Variants in RARB observed in about 807,000 individuals in gnomAD.
The protein encoded by RARB is retinoic acid receptor beta.
In RARB, 17 loss-of-function variants were observed where a neutral mutation model predicts 51.9. That is an observed-to-expected ratio of 0.33 (90% CI 0.22 to 0.49). The LOEUF (loss-of-function observed/expected upper bound fraction) is 0.49, where lower values mean the gene tolerates loss of function less well. Among genes scored for constraint, RARB ranks in the 20% least tolerant of loss-of-function variants. The pLI, the probability that RARB is intolerant of heterozygous loss-of-function variation, is 0.99. For missense variants in RARB, 369 were observed against 550.8 expected, an observed-to-expected ratio of 0.67 and a Z score of 3.30; for synonymous variants, 215 against 195.4, an observed-to-expected ratio of 1.10 and a Z score of -0.84.
At chr3:25,214,441 T>A (rs1376091495) in intron 5 of RARB, among the ~76,000 whole-genome samples, 1 of 152,184 alleles carries the variant, frequency 6.6e-6, no homozygotes, top group African/African-American at 2.4e-5. Flanking sequence ...CTGAGGTAGG[T>A]GGGTTCAGTA....
chr3:25,509,768 G>A (rs986201601), intron 3 of RARB, among the ~76,000 whole-genome samples: 2 of 152,102 alleles, frequency 1.3e-5, no homozygotes, highest in African/African-American at 4.8e-5. Context: ...AGGCCATCAG[G>A]GTCTTCCAGC....
At chr3:24,989,085 C>G (rs1191444464) in intron 2 of RARB, among the ~76,000 whole-genome samples, 1 of 152,102 alleles carries the variant, frequency 6.6e-6, no homozygotes, top group Non-Finnish European at 1.5e-5. Context: ...CTCGGCCTCC[C>G]AAAGTGCTGG....
chr3:24,876,261 G>A (rs1230550815), intron 2 of RARB, among the ~76,000 whole-genome samples: 3 of 152,070 alleles, frequency 2.0e-5, no homozygotes, highest in Non-Finnish European at 1.5e-5. Flanking sequence ...GAATCTCTTC[G>A]AACTTTGAAC....
intron 5 of RARB, among the ~76,000 whole-genome samples, chr3:25,177,152 C>T (rs1268384638): frequency 2.0e-5 from 3 of 152,238 alleles, no homozygotes; most frequent in African/African-American, 7.2e-5. Flanking sequence ...GAAAGCTGCT[C>T]AGATGGAAAT....
At chr3:24,922,135 T>TTCTAG (rs1419264430) in intron 2 of RARB, among the ~76,000 whole-genome samples, 1 of 152,192 alleles carries the variant, frequency 6.6e-6, no homozygotes, top group Non-Finnish European at 1.5e-5. Context: ...ATGAAAGCAC[T>TTCTAG]TCTAGTGTCA....
intron 5 of RARB, among the ~76,000 whole-genome samples, chr3:25,328,963 G>C (rs1406607183): frequency 6.6e-6 from 1 of 152,214 alleles, no homozygotes; most frequent in Non-Finnish European, 1.5e-5. Context: ...CAAGGTGGCA[G>C]CGAGGCTAGG....
intron 2 of RARB, among the ~76,000 whole-genome samples, chr3:25,482,623 T>G (rs1318284526): frequency 2.3e-5 from 3 of 131,756 alleles, no homozygotes; most frequent in Non-Finnish European, 4.7e-5. Flanking sequence ...CACTGCAACC[T>G]CTGCCTCCCA....
At chr3:25,347,551 T>C (rs1284680031) in intron 5 of RARB, among the ~76,000 whole-genome samples, 2 of 152,232 alleles carry the variant, frequency 1.3e-5, no homozygotes, top group Non-Finnish European at 2.9e-5. Flanking sequence ...TCTTATAAAG[T>C]TCACTTTGTG....
chr3:25,230,500 C>G (rs917090647), intron 5 of RARB, among the ~76,000 whole-genome samples: 12 of 151,878 alleles, frequency 7.9e-5, no homozygotes, highest in African/African-American at 2.9e-4. Flanking sequence ...TAGAGTATTT[C>G]AAAGAAAAGT....
chr3:25,185,784 ATAAGAAATCTTAT>A (rs1169182440), intron 5 of RARB, among the ~76,000 whole-genome samples: 1 of 152,152 alleles, frequency 6.6e-6, no homozygotes, highest in Non-Finnish European at 1.5e-5. Context: ...TTTTTCTTCT[ATAAGAAATCTTAT>A]TCCAGAACTA....
chr3:24,904,441 G>A (rs1694804831), intron 2 of RARB, among the ~76,000 whole-genome samples: 1 of 152,158 alleles, frequency 6.6e-6, no homozygotes, highest in South Asian at 2.1e-4. Flanking sequence ...TTAGAGAAAT[G>A]CAAATCAAAA....
Position 25,125,749 on chromosome 3 carries a change from A to G in RARB, c.-327-6412A>G, listed in dbSNP as rs910673130. Among the ~76,000 whole-genome samples, 53 of 152,204 alleles carry G rather than the reference A, an allele frequency of 3.5e-4. 1 individual carries two copies. The highest frequency in any genetic ancestry group is 4.0e-4 in the Non-Finnish European group (27 of 68,044). On this transcript the variant is annotated intron_variant, in intron 3 of 11. Transcript: ENST00000383772. ...CTTTTAGTAGCTCTATATGCACATA[A>G]TTCAAAAACACCTAAGTATTATAGG...
intron 5 of RARB, among the ~76,000 whole-genome samples, chr3:25,233,465 A>G (rs534178279): frequency 6.4e-4 from 98 of 152,196 alleles, no homozygotes; most frequent in African/African-American, 2.3e-3. Flanking sequence ...AAGATTTTCC[A>G]TGTAGATAGT....
chr3:24,956,659 G>T (rs1366375016), intron 2 of RARB, among the ~76,000 whole-genome samples: 2 of 152,140 alleles, frequency 1.3e-5, no homozygotes, highest in African/African-American at 4.8e-5. Context: ...ACTAAACAGG[G>T]TCACATGTAT....
At chr3:24,849,220 TAAAGTA>T (rs1305567484) in intron 1 of RARB, among the ~76,000 whole-genome samples, 1 of 152,112 alleles carries the variant, frequency 6.6e-6, no homozygotes. Context: ...TAAAAAAAAG[TAAAGTA>T]AATGTAGTCT....
At chr3:25,458,841 G>A (rs1010432071) in intron 1 of RARB, among the ~76,000 whole-genome samples, 1 of 152,048 alleles carries the variant, frequency 6.6e-6, no homozygotes, top group African/African-American at 2.4e-5. Context: ...AGGAAGCAAA[G>A]GAGTATAAGA....
rs544120403 is a variant in RARB at position 25,577,018 on chromosome 3, G to A, written c.610-3528G>A. Among the ~76,000 whole-genome samples, 27 of 152,300 alleles carry A rather than the reference G, an allele frequency of 1.8e-4. No individual in the cohort carries two copies. The South Asian group carries it at 5.4e-3, about 30-fold the overall frequency. Reference sequence around the variant, plus strand: ...GCTGGAGCTCTTGTAGCCACCTGATGGAAGCATCCAGAGATTCCAATAAGG... The same window carrying A: ...GCTGGAGCTCTTGTAGCCACCTGATAGAAGCATCCAGAGATTCCAATAAGG... On this transcript the variant is annotated intron_variant, in intron 4 of 7. Coordinates refer to ENST00000330688, the MANE Select transcript of RARB (RefSeq NM_000965.5).
At chr3:25,134,250 T>A (rs1193015773) in intron 4 of RARB, among the ~76,000 whole-genome samples, 1 of 151,690 alleles carries the variant, frequency 6.6e-6, no homozygotes, top group Non-Finnish European at 1.5e-5. Flanking sequence ...TTTAGTAGAG[T>A]GTTGTAAGAG....
chr3:25,456,026 T>C (rs1575420573), intron 1 of RARB, among the ~76,000 whole-genome samples: 1 of 152,236 alleles, frequency 6.6e-6, no homozygotes, highest in South Asian at 2.1e-4. Context: ...AACTGCTTTT[T>C]TGGCCTGCCT....
Sources: gnomAD v4.1 joint callset for allele counts (sites outside exome capture counted in the v4.1 genomes callset) on GRCh38, gnomAD v4.1.1 for gene constraint, MANE v1.5 for transcripts, NCBI Gene and HGNC (gene_info 2026-07-23, HGNC 2026-07-21) for gene names.